NHSL2: variants seen among roughly 807,000 people sequenced by gnomAD.
NHSL2 encodes the protein NHS-like protein 2.
In NHSL2, 27 loss-of-function variants were observed where a neutral mutation model predicts 53.4. That is an observed-to-expected ratio of 0.51 (90% CI 0.37 to 0.70). The LOEUF (loss-of-function observed/expected upper bound fraction) is 0.70. NHSL2 is among the 30% of genes least tolerant of loss of function. NHSL2 has a pLI of 0.00. For synonymous variants in NHSL2, 408 were observed against 404.1 expected (o/e 1.01, Z -0.12); for missense variants, 892 against 980.1 (o/e 0.91, Z 1.20).
chrX:72,029,346 G>A lies in NHSL2; in HGVS notation c.281-102733G>A, dbSNP rs927066635. Among the ~76,000 whole-genome samples the A allele has an allele frequency of 2.7e-5, 3 of 111,765 alleles. No individual in the cohort carries two copies. The South Asian group carries it at 1.1e-3, about 42-fold the overall frequency. On this transcript the variant is annotated intron_variant, in intron 1 of 7. Transcript: ENST00000633930. ...GACTTCAGCTGAGAGGGCTGAATTG[G>A]CCTGCTCGGGGCTGCCACCACCCTA...
intron 1 of NHSL2, among the ~76,000 whole-genome samples, chrX:71,994,993 C>G (rs886940460): frequency 9.0e-6 from 1 of 111,692 alleles, no homozygotes; most frequent in African/African-American, 3.3e-5. Flanking sequence ...CCTATTCAAA[C>G]CAGACCCCTG....
chrX:72,098,398 GT>G (rs1320408280), intron 1 of NHSL2, among the ~76,000 whole-genome samples: 9 of 111,100 alleles, frequency 8.1e-5, no homozygotes, highest in African/African-American at 2.9e-4. Context: ...GGCTAACACG[GT>G]GAAACCCCGT....
chrX:71,913,659 C>T (rs2041614791), intron 1 of NHSL2, among the ~76,000 whole-genome samples: 1 of 111,755 alleles, frequency 8.9e-6, no homozygotes, highest in Admixed American at 9.4e-5. Context: ...CAGGAGAAAC[C>T]TGGGAAGGTG....
At chrX:72,009,968 C>T (rs1569471714) in intron 1 of NHSL2, among the ~76,000 whole-genome samples, 1 of 113,205 alleles carries the variant, frequency 8.8e-6, no homozygotes, top group Non-Finnish European at 1.9e-5. Flanking sequence ...TCACAGTTTC[C>T]TCTAAAGAGG....
rs141504628 is a variant in NHSL2, at chrX:72,070,920, G to T, written c.281-61159G>T. Reference sequence around the variant, plus strand: ...ATAAGAAAGCAATAAATGGATTGTTGTCTTGCCAAAAGTGTGCCATGCTCC... The same window carrying T: ...ATAAGAAAGCAATAAATGGATTGTTTTCTTGCCAAAAGTGTGCCATGCTCC... On this transcript the variant is annotated intron_variant, in intron 1 of 7. Transcript: ENST00000633930. 4.5e-4 allele frequency among the ~76,000 whole-genome samples: 50 copies of T among 112,045 alleles called. 1 individual carries two copies. In the East Asian group the frequency reaches 0.014, roughly 32 times the overall value.
chrX:72,086,454 C>A lies in NHSL2; in HGVS notation c.281-45625C>A, dbSNP rs776364869. ...ATCCCAGCACTTTGGGAGGCCAAGG[C>A]GGGCAGATCACTTGAGGTCAAGAGT... is the stretch of plus-strand genomic sequence containing the variant. On this transcript the variant is annotated intron_variant, in intron 1 of 7. Transcript: ENST00000633930. Among the ~76,000 whole-genome samples the A allele has an allele frequency of 3.6e-5, 4 of 111,546 alleles. No individual in the cohort carries two copies. The East Asian group carries it at 8.4e-4, about 24-fold the overall frequency.
In NHSL2 at chrX:72,151,438, G is replaced by A. The variant is rs888405445; in HGVS notation, c.*7864G>A. On this transcript the variant is annotated 3_prime_UTR_variant, in exon 8 of 8. Transcript: ENST00000633930. ...CTGCCCCATGTGATAACTGAGTTGT[G>A]CAGTAGCTGATGTGGTTTATTGCCT... 1 of 112,097 alleles carries A rather than the reference G, an allele frequency of 8.9e-6. No homozygotes were observed. Among genetic ancestry groups the A allele is most frequent in the Non-Finnish European group, 1.9e-5 (1 of 53,194 alleles). The allele number at this position is 112,097 out of a possible 1,213,427, so 9.2% of individuals were successfully genotyped here. A position where few individuals can be genotyped will look rare whatever the true frequency, so the allele number is the denominator to read the frequency against.
In NHSL2 at chrX:72,138,666, T is replaced by C; in HGVS notation, c.1118T>C (p.Val373Ala). ...CCTGGCATGGAGAGCATGGGAATGG[T>C]GTACAGTGTCCCCAGTTCTTGCAAT... ...NPPGMESMGM[V>A]YSVPSSCNGP... The change falls in exon 6 of 8, where the codon GTG (valine) becomes GCG (alanine). Residue 373 changes from valine (V) to alanine (A), a missense_variant. Transcript: ENST00000633930. The C allele has an allele frequency of 8.4e-7, 1 of 1,185,113 alleles. No individual in the cohort carries two copies. The highest frequency in any genetic ancestry group is 1.1e-6 in the Non-Finnish European group (1 of 881,299).
chrX:71,985,827 G>A (rs1028575662), intron 1 of NHSL2, among the ~76,000 whole-genome samples: 2 of 111,747 alleles, frequency 1.8e-5, no homozygotes, highest in Non-Finnish European at 3.8e-5. Flanking sequence ...AATCTCCAAA[G>A]TTATTAGAAA....
At chrX:72,080,571 C>CGTGTGTGTGTGTGTGTGTGT (rs10580313) in intron 1 of NHSL2, among the ~76,000 whole-genome samples, 1 of 97,110 alleles carries the variant, frequency 1.0e-5, no homozygotes, top group East Asian at 3.4e-4. Context: ...GAATTCTGCA[C>CGTGTGTGTGTGTGTGTGTGT]GTGTGTGTGT....
At chrX:71,988,231 T>G (rs2042011505) in intron 1 of NHSL2, among the ~76,000 whole-genome samples, 1 of 111,623 alleles carries the variant, frequency 9.0e-6, no homozygotes, top group South Asian at 3.7e-4. Context: ...AAGGGATCTT[T>G]TTTGAAGGTT....
chrX:71,949,149 T>A, intron 1 of NHSL2, among the ~76,000 whole-genome samples: 1 of 111,572 alleles, frequency 9.0e-6, no homozygotes, highest in Non-Finnish European at 1.9e-5. Context: ...ATTTTGTTGT[T>A]TATGACATCT....
intron 1 of NHSL2, among the ~76,000 whole-genome samples, chrX:72,069,247 C>T (rs911712898): frequency 9.0e-6 from 1 of 111,284 alleles, no homozygotes; most frequent in Admixed American, 9.5e-5. Flanking sequence ...ACGGTGAGGG[C>T]GGGCGAGTCG....
At position 72,126,868 on chromosome X, in the gene NHSL2, C is replaced by A. The variant is rs1025580647; in HGVS notation, c.281-5211C>A. 4.4e-5 allele frequency among the ~76,000 whole-genome samples: 5 copies of A among 112,362 alleles called. No homozygotes were observed. The Admixed American group carries it at 4.7e-4, about 11-fold the overall frequency. Reference sequence around the variant, plus strand: ...CCTGTAGGGCTGGGCCACCCATAGTCCCCGGGAGAACGAATGCTATTTTTC... The same window carrying A: ...CCTGTAGGGCTGGGCCACCCATAGTACCCGGGAGAACGAATGCTATTTTTC... On this transcript the variant is annotated intron_variant, in intron 1 of 7. Transcript: ENST00000633930.
chrX:72,127,532 C>T (rs1394655959), intron 1 of NHSL2: 1 of 111,189 alleles, frequency 9.0e-6, no homozygotes, highest in Non-Finnish European at 1.9e-5. Context: ...TGAAGGGTCC[C>T]TGGAAGTGTG....
chrX:72,068,282 C>G (rs2042443455), intron 1 of NHSL2, among the ~76,000 whole-genome samples: 1 of 112,186 alleles, frequency 8.9e-6, no homozygotes, highest in African/African-American at 3.2e-5. Context: ...GGTGATCCCA[C>G]TTTAGATCTC....
intron 1 of NHSL2, chrX:72,131,665 C>T: frequency 3.3e-6 from 2 of 609,636 alleles, no homozygotes; most frequent in East Asian, 4.1e-5. Context: ...CAGCGGGGCA[C>T]GGGCCAGGCC....
chrX:72,146,929 G>A lies in NHSL2; in HGVS notation c.*3355G>A, dbSNP rs767162809. The stretch of plus-strand genomic sequence containing the variant: ...CACCCATAAAGGAAGTGAGACAACA[G>A]GAAGCAAAATAATTAATGTTAGCTT... On this transcript the variant is annotated 3_prime_UTR_variant, in exon 8 of 8. Coordinates refer to ENST00000633930, the MANE Select transcript of NHSL2 (RefSeq NM_001013627.3). 6.3e-5 allele frequency: 7 copies of A among 111,487 alleles called. No homozygotes were observed. Among genetic ancestry groups the A allele is most frequent in the African/African-American group, 1.6e-4 (5 of 30,657 alleles). The allele number at this position is 111,487 out of a possible 1,213,427, so 9.2% of individuals were successfully genotyped here. A position where few individuals can be genotyped will look rare whatever the true frequency, so the allele number is the denominator to read the frequency against.
chrX:72,068,097 T>G (rs941831271), intron 1 of NHSL2, among the ~76,000 whole-genome samples: 1 of 111,828 alleles, frequency 8.9e-6, no homozygotes, highest in African/African-American at 3.3e-5. Flanking sequence ...TCTCACAACA[T>G]TATTGATCCT....
Sources: allele counts gnomAD v4.1 joint callset (sites outside exome capture counted in the v4.1 genomes callset), GRCh38; gene constraint gnomAD v4.1.1; transcripts MANE v1.5; gene names NCBI Gene and HGNC (gene_info 2026-07-23, HGNC 2026-07-21).